The following GADL1 variants were observed in gnomAD, a reference collection of about 807,000 sequenced individuals.
GADL1 encodes the protein GAD like acidic amino acid decarboxylase 1, also known as acidic amino acid decarboxylase GADL1.
GADL1 carries 71 observed loss-of-function variants against 69.5 expected under a neutral mutation model. The observed-to-expected ratio is 1.02, with a 90% CI of 0.84 to 1.25. The LOEUF (loss-of-function observed/expected upper bound fraction) is 1.25. Ranked by LOEUF, GADL1 falls within the 50% of genes most tolerant of loss-of-function variation. GADL1 has a pLI of 0.00. For missense variants in GADL1, 737 were observed against 631.8 expected (o/e 1.17, Z -1.79); for synonymous variants, 254 against 214.4 (o/e 1.18, Z -1.62).
chr3:30,774,447 C>T (rs1237614890), intron 14 of GADL1, among the ~76,000 whole-genome samples: 1 of 152,116 alleles, frequency 6.6e-6, no homozygotes, highest in Non-Finnish European at 1.5e-5. Flanking sequence ...TCAGAGTATT[C>T]GCAAAAGTTC....
chr3:30,800,800 C>T, intron 12 of GADL1, 89 bp downstream of exon 12: 2 of 1,042,578 alleles, frequency 1.9e-6, no homozygotes, highest in Middle Eastern at 2.8e-4. Flanking sequence ...ATTACAGACA[C>T]AGATAGACAC....
At chr3:30,884,727 T>G (rs748687489) in intron 1 of GADL1, among the ~76,000 whole-genome samples, 26 of 152,070 alleles carry the variant, frequency 1.7e-4, no homozygotes, top group Admixed American at 1.7e-3. Context: ...ATATTTAAAC[T>G]AATCTTTATT....
intron 14 of GADL1, among the ~76,000 whole-genome samples, chr3:30,750,931 AAC>A (rs1251104984): frequency 1.3e-5 from 2 of 152,186 alleles, no homozygotes; most frequent in Admixed American, 1.3e-4. Context: ...CATTATCTGA[AAC>A]ACAAAGTCAA....
intron 6 of GADL1, 33 bp downstream of exon 6, chr3:30,849,963 A>T (rs375455901): frequency 7.1e-6 from 9 of 1,275,022 alleles, no homozygotes; most frequent in Non-Finnish European, 1.0e-5. Flanking sequence ...CTTTCTCAGA[A>T]AATCTATATT....
At chr3:30,876,975 A>G (rs915672854) in intron 1 of GADL1, among the ~76,000 whole-genome samples, 5 of 151,906 alleles carry the variant, frequency 3.3e-5, no homozygotes, top group Admixed American at 1.3e-4. Flanking sequence ...TTCTTGATTC[A>G]GAGTCTGATT....
chr3:30,735,866 G>T (rs1348703145), intron 14 of GADL1, among the ~76,000 whole-genome samples: 1 of 151,940 alleles, frequency 6.6e-6, no homozygotes, highest in East Asian at 1.9e-4. Flanking sequence ...AGATTTTGGG[G>T]GCTCTACCAC....
chr3:30,740,772 T>C (rs758567849), intron 14 of GADL1, among the ~76,000 whole-genome samples: 3 of 151,394 alleles, frequency 2.0e-5, no homozygotes, highest in Non-Finnish European at 2.9e-5. Context: ...ATCATCTTTT[T>C]CTTACAAATT....
chr3:30,877,583 G>T (rs987685403), intron 1 of GADL1, among the ~76,000 whole-genome samples: 1 of 151,626 alleles, frequency 6.6e-6, no homozygotes, highest in Admixed American at 6.6e-5. Flanking sequence ...TATATTTTTC[G>T]GCCCACATAG....
intron 14 of GADL1, among the ~76,000 whole-genome samples, chr3:30,762,411 T>C (rs1696159305): frequency 6.6e-6 from 1 of 152,186 alleles, no homozygotes; most frequent in African/African-American, 2.4e-5. Context: ...ACAAAGCATA[T>C]CTGAACTCAT....
chr3:30,757,532 T>A (rs571592933), intron 14 of GADL1, among the ~76,000 whole-genome samples: 3 of 152,288 alleles, frequency 2.0e-5, no homozygotes, highest in South Asian at 4.2e-4. Flanking sequence ...TTAAAGCTAA[T>A]GTAATGCTAT....
chr3:30,829,379 C>T (rs1697747929), intron 11 of GADL1, among the ~76,000 whole-genome samples: 1 of 151,866 alleles, frequency 6.6e-6, no homozygotes, highest in African/African-American at 2.4e-5. Context: ...TTGTGGATGT[C>T]AGGGCTTTGT....
intron 1 of GADL1, among the ~76,000 whole-genome samples, chr3:30,874,635 A>G (rs1352414503): frequency 6.6e-6 from 1 of 151,750 alleles, no homozygotes; most frequent in Non-Finnish European, 1.5e-5. Flanking sequence ...AGATCCACTA[A>G]GTGTTATCTA....
intron 2 of GADL1, among the ~76,000 whole-genome samples, 174 bp downstream of exon 2, chr3:30,861,419 A>G (rs1254983286): frequency 6.6e-6 from 1 of 151,874 alleles, no homozygotes; most frequent in Non-Finnish European, 1.5e-5. Context: ...CTTCAAGGAC[A>G]GCAGGAATTG....
chr3:30,805,363 G>C (rs991086965), intron 11 of GADL1, among the ~76,000 whole-genome samples: 2 of 152,172 alleles, frequency 1.3e-5, no homozygotes, highest in Admixed American at 6.5e-5. Context: ...GAAAGAGGGT[G>C]CTCCATTTGG....
At chr3:30,842,394 TAGG>T (rs1697981470) in intron 8 of GADL1, among the ~76,000 whole-genome samples, 1 of 152,098 alleles carries the variant, frequency 6.6e-6, no homozygotes. Flanking sequence ...ACAGATGAAA[TAGG>T]AGCATGAGCC....
intron 4 of GADL1, among the ~76,000 whole-genome samples, chr3:30,851,580 G>C (rs1401920002): frequency 6.6e-6 from 1 of 152,138 alleles, no homozygotes; most frequent in Admixed American, 6.6e-5. Context: ...AGCCCCTTTA[G>C]AGATTGCCTT....
chr3:30,730,452 C>T (rs1695439166), intron 14 of GADL1, among the ~76,000 whole-genome samples: 1 of 152,172 alleles, frequency 6.6e-6, no homozygotes, highest in African/African-American at 2.4e-5. Context: ...ACGGAGATCG[C>T]TACACAGGTG....
At chr3:30,770,350 T>TAGACC (rs1696389219) in intron 14 of GADL1, among the ~76,000 whole-genome samples, 1 of 152,236 alleles carries the variant, frequency 6.6e-6, no homozygotes, top group Non-Finnish European at 1.5e-5. Context: ...TTATTTCACG[T>TAGACC]AGACCTTACA....
intron 13 of GADL1, among the ~76,000 whole-genome samples, chr3:30,779,700 C>G (rs1696615948): frequency 6.6e-6 from 1 of 152,108 alleles, no homozygotes; most frequent in South Asian, 2.1e-4. Flanking sequence ...CTATACCTGA[C>G]TAGAAAGTAG....
Sources: allele counts gnomAD v4.1 joint callset (sites outside exome capture counted in the v4.1 genomes callset), GRCh38; gene constraint gnomAD v4.1.1; transcripts MANE v1.5; gene names NCBI Gene and HGNC (gene_info 2026-07-23, HGNC 2026-07-21).